Variants in EEA1 observed in about 807,000 individuals in gnomAD.
The protein encoded by EEA1 is early endosome antigen 1, 162kD.
A neutral mutation model predicts 209.2 loss-of-function variants in EEA1; 111 were observed. That is an observed-to-expected ratio of 0.53 (90% CI 0.45 to 0.62). The LOEUF is 0.62. Ranked by LOEUF, EEA1 falls within the 20% of genes least tolerant of loss-of-function variation. EEA1 has a pLI of 0.00. For synonymous variants in EEA1, 536 were observed against 540.6 expected, an observed-to-expected ratio of 0.99 and a Z score of 0.12; for missense variants, 1,343 against 1,530.8, an observed-to-expected ratio of 0.88 and a Z score of 2.05.
intron 10 of EEA1, among the ~76,000 whole-genome samples, chr12:92,837,119 T>C (rs1248463259): frequency 1.8e-5 from 1 of 56,264 alleles, no homozygotes; most frequent in Non-Finnish European, 3.9e-5. Context: ...AGACTCTGTC[T>C]CATTTAAAAA....
rs1592768285 is a variant in EEA1, at chr12:92,902,433, T to C, written c.25-10712A>G. On this transcript the variant is annotated intron_variant, in intron 1 of 28. Transcript: ENST00000322349. Reference sequence around the variant, plus strand: ...CAAGGCAACTATCCCTTGCAATGAATAGAAACTCTTTAAAAAGCTGTAAAT... The same window carrying C: ...CAAGGCAACTATCCCTTGCAATGAACAGAAACTCTTTAAAAAGCTGTAAAT... Among the ~76,000 whole-genome samples, 7 of 152,058 alleles carry C rather than the reference T, an allele frequency of 4.6e-5. No homozygotes were observed. The South Asian group carries it at 1.5e-3, about 32-fold the overall frequency.
At chr12:92,838,907 C>T (rs1877043723) in intron 10 of EEA1, among the ~76,000 whole-genome samples, 1 of 151,974 alleles carries the variant, frequency 6.6e-6, no homozygotes, top group Non-Finnish European at 1.5e-5. Context: ...ACTGAACTAG[C>T]CACACTTTTT....
chr12:92,827,847 T>C (rs932872330), intron 12 of EEA1, 65 bp downstream of exon 12: 12 of 1,392,606 alleles, frequency 8.6e-6, no homozygotes, highest in Non-Finnish European at 1.1e-5. Flanking sequence ...AATTAACAGA[T>C]TGATGAATCA....
At chr12:92,840,094 A>G (rs1015552499) in intron 10 of EEA1, among the ~76,000 whole-genome samples, 7 of 152,126 alleles carry the variant, frequency 4.6e-5, no homozygotes, top group African/African-American at 1.7e-4. Context: ...ATAGCTAATT[A>G]TATTTCTCTT....
intron 2 of EEA1, among the ~76,000 whole-genome samples, chr12:92,886,457 T>G (rs1592757824): frequency 2.1e-5 from 1 of 47,066 alleles, no homozygotes; most frequent in Non-Finnish European, 3.9e-5. Context: ...AGGAGGGGAC[T>G]GGAGGGGAGA....
At chr12:92,794,458 T>C (rs1874558944) in intron 21 of EEA1, among the ~76,000 whole-genome samples, 1 of 152,088 alleles carries the variant, frequency 6.6e-6, no homozygotes, top group African/African-American at 2.4e-5. Context: ...CTATTCACAA[T>C]AGCAAAGACT....
intron 28 of EEA1, 77 bp from the exon 29 acceptor site, chr12:92,776,210 C>G: frequency 7.3e-7 from 1 of 1,377,830 alleles, no homozygotes. Flanking sequence ...TGAATACCAC[C>G]AACTACATTA....
intron 9 of EEA1, among the ~76,000 whole-genome samples, chr12:92,842,966 TTTTAC>T (rs1393930796): frequency 8.5e-5 from 13 of 152,278 alleles, no homozygotes; most frequent in African/African-American, 3.1e-4. Flanking sequence ...AAAATTATCC[TTTTAC>T]TTTAAGACAT....
At chr12:92,777,788 T>A in intron 26 of EEA1, 125 bp from the exon 27 acceptor site, 1 of 1,265,782 alleles carries the variant, frequency 7.9e-7, no homozygotes, top group Non-Finnish European at 1.1e-6. Flanking sequence ...ACTATCTGAT[T>A]GTTTTACAGG....
chr12:92,928,108 A>G (rs1459467892), intron 1 of EEA1, among the ~76,000 whole-genome samples: 1 of 151,808 alleles, frequency 6.6e-6, no homozygotes, highest in Non-Finnish European at 1.5e-5. Flanking sequence ...CTTTTCAATC[A>G]TTTACATTTT....
chr12:92,879,610 T>A (rs556544617), intron 2 of EEA1, among the ~76,000 whole-genome samples: 21 of 151,902 alleles, frequency 1.4e-4, no homozygotes, highest in African/African-American at 5.1e-4. Flanking sequence ...CTAGAAAGCA[T>A]CCTTAAGCTG....
intron 2 of EEA1, among the ~76,000 whole-genome samples, chr12:92,870,877 A>G (rs865827854): frequency 3.9e-5 from 6 of 152,172 alleles, no homozygotes; most frequent in South Asian, 2.1e-4. Flanking sequence ...GGGTTTCACC[A>G]TGTTGGCCAG....
At chr12:92,780,997 A>C (rs995156338) in intron 23 of EEA1, among the ~76,000 whole-genome samples, 1 of 152,104 alleles carries the variant, frequency 6.6e-6, no homozygotes, top group Non-Finnish European at 1.5e-5. Flanking sequence ...TGCAGCCTTG[A>C]CCTCCCAGGC....
At position 92,787,874 on chromosome 12, in the gene EEA1, T is replaced by C. The variant is rs1454475844; in HGVS notation, c.3143A>G (p.Asp1048Gly). The change falls in exon 22 of 29, where the codon GAT (aspartate) becomes GGT (glycine). Residue 1048 changes from aspartate (D) to glycine (G), a missense_variant. Asp to Gly is a moderately conservative substitution (Grantham distance 94). This residue lies in a region of EEA1 where 1,307 missense variants were observed against 1,465.5 expected (regional missense o/e 0.89). Coordinates refer to ENST00000322349, the MANE Select transcript of EEA1 (RefSeq NM_003566.4). The stretch of plus-strand genomic sequence containing the variant: ...CAGTATAGTTTACTATACCTTAAGA[T>C]CTTGCCTGGTGGCTAGAAGTTCAGA... ...RESELLATRQ[D>G]LKSVEEKLSL... 6.2e-7 allele frequency: 1 copy of C among 1,605,244 alleles called. No homozygotes were observed.
At chr12:92,792,427 A>G (rs1339598329) in intron 21 of EEA1, among the ~76,000 whole-genome samples, 1 of 152,004 alleles carries the variant, frequency 6.6e-6, no homozygotes, top group Non-Finnish European at 1.5e-5. Context: ...TAGATGCAAT[A>G]AAAAAATGAT....
In EEA1 at chr12:92,885,929, T is replaced by C. The variant is rs1387148154; in HGVS notation, c.117+5700A>G. ...GACATAGCCCACAAAGAGTTTCCAC[T>C]AGAAAAGTTCCAAGGAACATAAATT... On this transcript the variant is annotated intron_variant, in intron 2 of 28. Transcript: ENST00000322349. 2.6e-5 allele frequency among the ~76,000 whole-genome samples: 4 copies of C among 151,990 alleles called. 1 individual carries two copies. The highest frequency in any genetic ancestry group is 6.3e-3 in the Middle Eastern group (2 of 316).
chr12:92,839,915 T>C (rs1877093463), intron 10 of EEA1, among the ~76,000 whole-genome samples: 1 of 152,154 alleles, frequency 6.6e-6, no homozygotes, highest in African/African-American at 2.4e-5. Context: ...ATATAGTTTT[T>C]GAGGGTCAGG....
At chr12:92,891,371 T>A (rs780612799) in intron 2 of EEA1, among the ~76,000 whole-genome samples, 4 of 152,106 alleles carry the variant, frequency 2.6e-5, no homozygotes, top group Non-Finnish European at 5.9e-5. Context: ...TAAACAGACG[T>A]TTTAAAATCT....
At chr12:92,916,109 A>T (rs1880751569) in intron 1 of EEA1, among the ~76,000 whole-genome samples, 1 of 152,184 alleles carries the variant, frequency 6.6e-6, no homozygotes, top group Non-Finnish European at 1.5e-5. Context: ...AAAAATACCC[A>T]CCATATGATT....
Sources: allele counts gnomAD v4.1 joint callset (sites outside exome capture counted in the v4.1 genomes callset), GRCh38; gene constraint gnomAD v4.1.1; regional missense constraint gnomAD v4.1.1; transcripts MANE v1.5; gene names NCBI Gene and HGNC (gene_info 2026-07-23, HGNC 2026-07-21).